The following SDK1 variants were observed in gnomAD, a reference collection of about 807,000 sequenced individuals.
SDK1 encodes the protein protein sidekick-1.
SDK1 carries 157 observed loss-of-function variants against 245.5 expected under a neutral mutation model. That is an observed-to-expected ratio of 0.64 (90% confidence interval 0.56 to 0.73). SDK1 has a LOEUF of 0.73. SDK1 is among the 30% of genes least tolerant of loss of function. The pLI, the probability that SDK1 is intolerant of heterozygous loss-of-function variation, is 0.00. For missense variants in SDK1, 3,583 were observed against 3,002.3 expected, an observed-to-expected ratio of 1.19 and a Z score of -4.52; for synonymous variants, 1,647 against 1,278.5, an observed-to-expected ratio of 1.29 and a Z score of -6.15.
At chr7:4,167,351 C>G (rs1168079777) in intron 32 of SDK1, among the ~76,000 whole-genome samples, 1 of 152,010 alleles carries the variant, frequency 6.6e-6, no homozygotes, top group Non-Finnish European at 1.5e-5. Context: ...TGCAGTGAGC[C>G]AAGATCACAC....
At chr7:4,010,849 C>T in intron 14 of SDK1, 117 bp from the exon 15 acceptor site, 1 of 1,052,802 alleles carries the variant, frequency 9.5e-7, no homozygotes, top group Non-Finnish European at 1.4e-6. Flanking sequence ...CTTTCCTTCT[C>T]CTAGAGCTGT....
rs777847354 is a variant in SDK1, at chr7:3,576,455, G to A, written c.299-42625G>A. Among the ~76,000 whole-genome samples, 15 of 152,040 alleles carry A rather than the reference G, an allele frequency of 9.9e-5. 1 individual carries two copies. The highest frequency in any genetic ancestry group is 1.8e-4 in the Non-Finnish European group (12 of 67,954). Reference sequence around the variant, plus strand: ...GCAGGTACACAAAACATTGAGCAAAGAAGTCCCCGTTTGCAGTGGTCCAGT... The same window carrying A: ...GCAGGTACACAAAACATTGAGCAAAAAAGTCCCCGTTTGCAGTGGTCCAGT... On this transcript the variant is annotated intron_variant, in intron 1 of 44. Coordinates refer to ENST00000404826, the MANE Select transcript of SDK1 (RefSeq NM_152744.4).
chr7:3,320,196 G>A (rs1256848024), intron 1 of SDK1, among the ~76,000 whole-genome samples: 2 of 151,898 alleles, frequency 1.3e-5, no homozygotes, highest in Non-Finnish European at 2.9e-5. Context: ...GCACACATGC[G>A]CTGAAGGAGG....
chr7:3,443,176 A>T (rs17741730), intron 1 of SDK1, among the ~76,000 whole-genome samples: 15,136 of 152,124 alleles, frequency 0.099, 927 homozygotes, highest in African/African-American at 0.17. Flanking sequence ...TGCAGAGAAT[A>T]TTTAATAAGC....
chr7:4,126,446 G>A (rs1237943678), intron 25 of SDK1, among the ~76,000 whole-genome samples: 1 of 152,270 alleles, frequency 6.6e-6, no homozygotes, highest in Non-Finnish European at 1.5e-5. Flanking sequence ...TGTGGGCCGG[G>A]AGTGGTGGCT....
At chr7:3,318,339 C>G (rs1398718322) in intron 1 of SDK1, among the ~76,000 whole-genome samples, 1 of 152,162 alleles carries the variant, frequency 6.6e-6, no homozygotes, top group Admixed American at 6.5e-5. Context: ...AGCTTGTGAC[C>G]TTGGGCAAGT....
At chr7:3,504,146 T>C (rs978956887) in intron 1 of SDK1, among the ~76,000 whole-genome samples, 2 of 142,946 alleles carry the variant, frequency 1.4e-5, no homozygotes, top group East Asian at 2.0e-4. Context: ...CGAGACTCCT[T>C]CTCAAAAAAA....
In SDK1 at chr7:4,247,118, C is replaced by T. The variant is rs1453596093; in HGVS notation, c.6381+1313C>T. On this transcript the variant is annotated intron_variant, in intron 44 of 44. Coordinates refer to ENST00000404826, the MANE Select transcript of SDK1 (RefSeq NM_152744.4). ...ATTGGCTGTACACATAGGCCTGCCC[C>T]GCCTCCTGGCACTCAGGTTCTAAAT... is the stretch of plus-strand genomic sequence containing the variant. 3.9e-5 allele frequency among the ~76,000 whole-genome samples: 6 copies of T among 152,178 alleles called. No individual in the cohort carries two copies. The East Asian group carries it at 7.7e-4, about 20-fold the overall frequency.
intron 4 of SDK1, among the ~76,000 whole-genome samples, chr7:3,739,595 T>G (rs1334045625): frequency 6.6e-6 from 1 of 152,240 alleles, no homozygotes; most frequent in African/African-American, 2.4e-5. Flanking sequence ...ATTTGTTATT[T>G]TACCTTTTAA....
intron 40 of SDK1, among the ~76,000 whole-genome samples, chr7:4,225,947 G>A (rs1028587771): frequency 3.7e-5 from 4 of 109,358 alleles, no homozygotes; most frequent in Non-Finnish European, 9.7e-5. Flanking sequence ...GCAGGCCGCG[G>A]GACCCGTGTT....
At chr7:3,920,475 C>A (rs1258249590) in intron 5 of SDK1, among the ~76,000 whole-genome samples, 1 of 152,000 alleles carries the variant, frequency 6.6e-6, no homozygotes, top group African/African-American at 2.4e-5. Flanking sequence ...GCTTCTAAGA[C>A]TGTGTTTCTA....
chr7:4,137,967 A>C (rs538081843), intron 28 of SDK1, among the ~76,000 whole-genome samples: 1 of 152,276 alleles, frequency 6.6e-6, no homozygotes, highest in African/African-American at 2.4e-5. Context: ...CGAGTCTAGG[A>C]CTTTTTAAAC....
intron 1 of SDK1, among the ~76,000 whole-genome samples, chr7:3,462,583 C>G (rs961839302): frequency 1.3e-5 from 2 of 152,158 alleles, no homozygotes; most frequent in African/African-American, 2.4e-5. Flanking sequence ...TCTTTCTAAG[C>G]CATCTCAAAC....
chr7:3,717,767 T>G (rs1785244956), intron 4 of SDK1, among the ~76,000 whole-genome samples: 2 of 152,166 alleles, frequency 1.3e-5, no homozygotes, highest in African/African-American at 4.8e-5. Flanking sequence ...GAAACTTAAT[T>G]TGCAGTTAAA....
chr7:3,994,740 C>T (rs957413046), intron 14 of SDK1, among the ~76,000 whole-genome samples: 4 of 152,138 alleles, frequency 2.6e-5, no homozygotes, highest in African/African-American at 9.7e-5. Context: ...TAGGGTTTAC[C>T]TCATGCATTT....
intron 1 of SDK1, among the ~76,000 whole-genome samples, chr7:3,454,402 G>A (rs1780611512): frequency 6.7e-6 from 1 of 149,448 alleles, no homozygotes; most frequent in Non-Finnish European, 1.5e-5. Context: ...GTGTGTGTGT[G>A]TGTGTGTGTG....
intron 4 of SDK1, among the ~76,000 whole-genome samples, chr7:3,808,634 T>C (rs1779308968): frequency 6.6e-6 from 1 of 152,162 alleles, no homozygotes. Flanking sequence ...TTTAAAGAGC[T>C]CCCAGCCTTG....
At chr7:3,357,053 G>GAAAA (rs35467524) in intron 1 of SDK1, among the ~76,000 whole-genome samples, 2 of 81,296 alleles carry the variant, frequency 2.5e-5, no homozygotes, top group Non-Finnish European at 4.7e-5. Context: ...AGACTCTCTC[G>GAAAA]AAAAAAAAAA....
intron 22 of SDK1, among the ~76,000 whole-genome samples, chr7:4,094,404 G>A (rs1437485780): frequency 6.6e-6 from 1 of 152,170 alleles, no homozygotes; most frequent in Admixed American, 6.5e-5. Flanking sequence ...CTGGAATTCC[G>A]GGGTGGGATT....
Sources: allele counts gnomAD v4.1 joint callset (sites outside exome capture counted in the v4.1 genomes callset), GRCh38; gene constraint gnomAD v4.1.1; transcripts MANE v1.5; gene names NCBI Gene and HGNC (gene_info 2026-07-23, HGNC 2026-07-21).